Variants in SLC4A5 observed in about 807,000 individuals in gnomAD.
SLC4A5 encodes the protein electrogenic sodium bicarbonate cotransporter 4.
Under a neutral mutation model 120.4 loss-of-function variants are expected in SLC4A5, and 96 were observed. That is an observed-to-expected ratio of 0.80 (90% CI 0.68 to 0.94). The LOEUF is 0.94. SLC4A5 is among the 40% of genes least tolerant of loss of function. SLC4A5 has a pLI of 0.00. For synonymous variants in SLC4A5, 550 were observed against 571.1 expected (o/e 0.96, Z 0.53); for missense variants, 1,259 against 1,459.5 (o/e 0.86, Z 2.24).
chr2:74,304,948 G>C (rs545626828), intron 6 of SLC4A5, among the ~76,000 whole-genome samples: 1 of 152,140 alleles, frequency 6.6e-6, no homozygotes, highest in Admixed American at 6.5e-5. Context: ...TTGCTTGTCC[G>C]GAACAGTGAT....
intron 3 of SLC4A5, among the ~76,000 whole-genome samples, chr2:74,335,077 G>A (rs370593526): frequency 6.6e-6 from 1 of 152,072 alleles, no homozygotes; most frequent in Non-Finnish European, 1.5e-5. Context: ...GCTGATTCAG[G>A]GACGCCACAG....
chr2:74,240,529 C>A (rs1335058875), intron 20 of SLC4A5, among the ~76,000 whole-genome samples: 1 of 152,146 alleles, frequency 6.6e-6, no homozygotes, highest in Non-Finnish European at 1.5e-5. Flanking sequence ...GAAATAGGCA[C>A]TGACTGATTC....
intron 27 of SLC4A5, among the ~76,000 whole-genome samples, chr2:74,226,572 G>C (rs778015850): frequency 6.6e-6 from 1 of 151,994 alleles, no homozygotes; most frequent in Non-Finnish European, 1.5e-5. Context: ...TTTAAATTTA[G>C]CTATCTTGAA....
chr2:74,268,125 A>C (rs189462433), intron 8 of SLC4A5, among the ~76,000 whole-genome samples: 18 of 152,350 alleles, frequency 1.2e-4, no homozygotes, highest in African/African-American at 3.8e-4. Context: ...CAGTAATAAT[A>C]ATAATGTACA....
chr2:74,336,763 T>C (rs1673500859), intron 3 of SLC4A5, among the ~76,000 whole-genome samples: 1 of 152,176 alleles, frequency 6.6e-6, no homozygotes, highest in Admixed American at 6.5e-5. Flanking sequence ...AAGCACATCT[T>C]GTATAAGATA....
chr2:74,336,055 GTCATT>G (rs1399225956), intron 3 of SLC4A5, among the ~76,000 whole-genome samples: 2 of 152,146 alleles, frequency 1.3e-5, no homozygotes, highest in South Asian at 2.1e-4. Flanking sequence ...ACCTCAAGAG[GTCATT>G]TCATTTATTT....
intron 15 of SLC4A5, 48 bp downstream of exon 15, chr2:74,252,926 G>A (rs1573028879): frequency 1.9e-6 from 3 of 1,597,022 alleles, no homozygotes; most frequent in Middle Eastern, 1.7e-4. Flanking sequence ...GATACCGACA[G>A]AGTTGAAGCC....
intron 19 of SLC4A5, among the ~76,000 whole-genome samples, chr2:74,246,141 T>C (rs1670603701): frequency 6.6e-6 from 1 of 152,246 alleles, no homozygotes; most frequent in African/African-American, 2.4e-5. Context: ...TCAGATGCTA[T>C]GGGAAGCCCT....
Position 74,254,352 on chromosome 2 carries a change from G to A in SLC4A5, c.1113+267C>T, listed in dbSNP as rs775827784. ...CCTCCTGCTCCTCCTTAGCTTTAAAGCCCCCTCATCTGTGAAGCCCTCCTT... is the reference window on the plus strand; with the variant it reads ...CCTCCTGCTCCTCCTTAGCTTTAAAACCCCCTCATCTGTGAAGCCCTCCTT... On this transcript the variant is annotated intron_variant, in intron 14 of 30. Coordinates refer to ENST00000394019, the Ensembl canonical transcript of SLC4A5. Among the ~76,000 whole-genome samples the A allele has an allele frequency of 5.9e-5, 9 of 152,162 alleles. No individual in the cohort carries two copies. The East Asian group carries it at 7.7e-4, about 13-fold the overall frequency.
intron 2 of SLC4A5, among the ~76,000 whole-genome samples, chr2:74,340,428 G>A (rs556104546): frequency 6.6e-6 from 1 of 152,164 alleles, no homozygotes; most frequent in African/African-American, 2.4e-5. Flanking sequence ...ATGTTACTGA[G>A]CAGCGATGAA....
chr2:74,279,376 C>G (rs926974369), intron 8 of SLC4A5, among the ~76,000 whole-genome samples: 1 of 152,176 alleles, frequency 6.6e-6, no homozygotes. Context: ...TCTTGAATGT[C>G]TCTCAGCCCT....
chr2:74,335,006 T>C (rs1673448132), intron 3 of SLC4A5, among the ~76,000 whole-genome samples: 1 of 152,162 alleles, frequency 6.6e-6, no homozygotes, highest in African/African-American at 2.4e-5. Flanking sequence ...CCAAGTCCTG[T>C]TCTCCCGTCT....
intron 12 of SLC4A5, among the ~76,000 whole-genome samples, chr2:74,256,541 A>T (rs763182021): frequency 6.6e-6 from 1 of 152,188 alleles, no homozygotes; most frequent in Non-Finnish European, 1.5e-5. Flanking sequence ...AGCAGAGACT[A>T]TCAAGGTGGC....
intron 5 of SLC4A5, among the ~76,000 whole-genome samples, chr2:74,317,441 C>G (rs1006180706): frequency 6.6e-6 from 1 of 152,132 alleles, no homozygotes; most frequent in East Asian, 1.9e-4. Flanking sequence ...AATAGGACAT[C>G]AGAGGCAATA....
intron 7 of SLC4A5, among the ~76,000 whole-genome samples, chr2:74,296,682 A>G (rs10181237): frequency 0.096 from 14,228 of 148,832 alleles, 2,123 homozygotes; most frequent in African/African-American, 0.32. Context: ...CCAGCTACTC[A>G]GGAGGCTGAG....
chr2:74,242,173 G>T, intron 19 of SLC4A5, 121 bp from the exon 20 acceptor site: 1 of 811,704 alleles, frequency 1.2e-6, no homozygotes, highest in Non-Finnish European at 1.9e-6. Flanking sequence ...CATTGTGAGG[G>T]CAGCTCCCTC....
intron 12 of SLC4A5, among the ~76,000 whole-genome samples, chr2:74,256,985 A>C (rs1250768079): frequency 6.6e-6 from 1 of 152,056 alleles, no homozygotes; most frequent in Non-Finnish European, 1.5e-5. Flanking sequence ...TCCCCCTTCT[A>C]CTGCAGTCTT....
chr2:74,252,436 T>C (rs1344285410), intron 15 of SLC4A5, 48 bp from the exon 16 acceptor site: 2 of 1,573,852 alleles, frequency 1.3e-6, no homozygotes, highest in Admixed American at 1.8e-5. Context: ...AGAGCACCCC[T>C]CACCTCTCCA....
chr2:74,230,900 G>A (rs1670058096), intron 25 of SLC4A5, among the ~76,000 whole-genome samples: 1 of 151,954 alleles, frequency 6.6e-6, no homozygotes, highest in Non-Finnish European at 1.5e-5. Flanking sequence ...TCCACCTCCC[G>A]GGTTCAAGCC....
Sources: allele counts gnomAD v4.1 joint callset (sites outside exome capture counted in the v4.1 genomes callset), GRCh38; gene constraint gnomAD v4.1.1; transcripts MANE v1.5; gene names NCBI Gene and HGNC (gene_info 2026-07-23, HGNC 2026-07-21).